The following PARD3B variants were observed in gnomAD, a reference collection of about 807,000 sequenced individuals.
PARD3B encodes the protein par-3 family cell polarity regulator beta.
In PARD3B, 103 loss-of-function variants were observed where a neutral mutation model predicts 130.2. The observed-to-expected ratio is 0.79, with a 90% confidence interval of 0.67 to 0.93. The LOEUF (loss-of-function observed/expected upper bound fraction) is 0.93. Ranked by LOEUF, PARD3B falls within the 40% of genes least tolerant of loss-of-function variation. PARD3B has a pLI of 0.00. For synonymous variants in PARD3B, 583 were observed against 553.2 expected, an observed-to-expected ratio of 1.05 and a Z score of -0.76; for missense variants, 1,609 against 1,499.2, an observed-to-expected ratio of 1.07 and a Z score of -1.21.
chr2:204,708,988 G>T (rs1330996274), intron 2 of PARD3B, among the ~76,000 whole-genome samples: 2 of 152,060 alleles, frequency 1.3e-5, no homozygotes, highest in Admixed American at 1.3e-4. Context: ...TGGTGGATGG[G>T]ATTTTCTAAT....
At chr2:205,503,025 CCCTCTCT>C (rs1175151516) in intron 21 of PARD3B, among the ~76,000 whole-genome samples, 2 of 148,036 alleles carry the variant, frequency 1.4e-5, no homozygotes. Flanking sequence ...CTCCCCTCTC[CCCTCTCT>C]CTTCTCTCTT....
At chr2:205,065,468 T>C (rs1350647805) in intron 4 of PARD3B, among the ~76,000 whole-genome samples, 1 of 152,168 alleles carries the variant, frequency 6.6e-6, no homozygotes, top group African/African-American at 2.4e-5. Context: ...AAATACGTAT[T>C]TTTTATTTCA....
intron 2 of PARD3B, among the ~76,000 whole-genome samples, chr2:204,802,503 A>C (rs1312913584): frequency 6.6e-6 from 1 of 152,182 alleles, no homozygotes. Context: ...ATATACCCAA[A>C]GGATTATAAA....
At chr2:205,097,324 A>C (rs1702459534) in intron 4 of PARD3B, among the ~76,000 whole-genome samples, 1 of 152,150 alleles carries the variant, frequency 6.6e-6, no homozygotes, top group Admixed American at 6.6e-5. Flanking sequence ...GGTGCACAGA[A>C]AGAACACTGA....
intron 1 of PARD3B, among the ~76,000 whole-genome samples, chr2:204,645,761 A>G (rs577052844): frequency 6.6e-6 from 1 of 152,278 alleles, no homozygotes; most frequent in South Asian, 2.1e-4. Context: ...AGCCAAATGC[A>G]TCTCACTAAA....
chr2:205,401,196 C>A, intron 19 of PARD3B, 73 bp downstream of exon 19: 4 of 1,189,620 alleles, frequency 3.4e-6, no homozygotes, highest in South Asian at 1.3e-5. Flanking sequence ...TTGCAACAGT[C>A]AACTGGAGAA....
chr2:205,113,424 AT>A, intron 5 of PARD3B, 66 bp from the exon 6 acceptor site: 1 of 855,674 alleles, frequency 1.2e-6, no homozygotes, highest in Non-Finnish European at 1.9e-6. Context: ...GTGTGTGTGT[AT>A]TTTAGATGTG....
At chr2:204,595,490 G>C (rs918859835) in intron 1 of PARD3B, among the ~76,000 whole-genome samples, 4 of 152,224 alleles carry the variant, frequency 2.6e-5, no homozygotes, top group African/African-American at 9.6e-5. Context: ...TGACACTGCT[G>C]TCTGTGTTTG....
chr2:205,507,198 T>A (rs919505020), intron 21 of PARD3B, among the ~76,000 whole-genome samples: 30 of 79,920 alleles, frequency 3.8e-4, no homozygotes, highest in Non-Finnish European at 5.3e-4. Context: ...GGTGCAGTAT[T>A]TTTTTTTTTT....
chr2:204,925,254 T>C (rs1179668793), intron 2 of PARD3B, among the ~76,000 whole-genome samples: 1 of 152,082 alleles, frequency 6.6e-6, no homozygotes, highest in Non-Finnish European at 1.5e-5. Context: ...GCTAGATAGC[T>C]TGAGACTCAA....
chr2:205,439,365 G>T (rs1297497337), intron 19 of PARD3B, among the ~76,000 whole-genome samples: 2 of 152,110 alleles, frequency 1.3e-5, no homozygotes, highest in African/African-American at 4.8e-5. Flanking sequence ...TGTACACAGT[G>T]CCCCTTCTTT....
At chr2:204,875,554 A>G (rs574666553) in intron 2 of PARD3B, among the ~76,000 whole-genome samples, 6 of 152,140 alleles carry the variant, frequency 3.9e-5, no homozygotes, top group Non-Finnish European at 8.8e-5. Flanking sequence ...CATCATGCCC[A>G]CACTGCCAGC....
chr2:204,549,482 TC>T (rs1167662266), intron 1 of PARD3B, among the ~76,000 whole-genome samples: 1 of 152,184 alleles, frequency 6.6e-6, no homozygotes, highest in Non-Finnish European at 1.5e-5. Context: ...TGGCTGAACT[TC>T]AGTAACCTCT....
At chr2:205,369,471 G>A (rs1458496428) in intron 18 of PARD3B, among the ~76,000 whole-genome samples, 1 of 152,156 alleles carries the variant, frequency 6.6e-6, no homozygotes, top group African/African-American at 2.4e-5. Flanking sequence ...GAATGAGATG[G>A]AAATTCTTTA....
intron 2 of PARD3B, among the ~76,000 whole-genome samples, chr2:204,762,333 C>T (rs184166360): frequency 3.2e-4 from 49 of 151,890 alleles, no homozygotes; most frequent in African/African-American, 1.0e-3. Context: ...AGGATGGTCT[C>T]GATCTCCTGT....
chr2:204,837,015 G>C (rs937434027), intron 2 of PARD3B, among the ~76,000 whole-genome samples: 6 of 152,078 alleles, frequency 3.9e-5, no homozygotes, highest in Non-Finnish European at 8.8e-5. Flanking sequence ...TATCCCTCCT[G>C]TTTTTAAAAT....
chr2:205,129,908 C>T (rs1483472906), intron 10 of PARD3B, among the ~76,000 whole-genome samples: 1 of 152,192 alleles, frequency 6.6e-6, no homozygotes, highest in African/African-American at 2.4e-5. Flanking sequence ...CCTAAAAGAA[C>T]TGTGCTGAAC....
intron 21 of PARD3B, among the ~76,000 whole-genome samples, chr2:205,521,465 A>G (rs1299193567): frequency 6.6e-6 from 1 of 152,032 alleles, no homozygotes; most frequent in African/African-American, 2.4e-5. Context: ...CTTAGAGCTT[A>G]AGGACTTTTA....
In PARD3B at chr2:205,110,581, T is replaced by C. The variant is rs1201461822; in HGVS notation, c.594-2910T>C. ...GTAAAATTTTCCCACTTTTCTTCTA[T>C]GTATAACCAAAATATTTTTCTTTTA... On this transcript the variant is annotated intron_variant, in intron 5 of 22. Transcript: ENST00000406610. Among the ~76,000 whole-genome samples the C allele has an allele frequency of 2.0e-5, 3 of 152,074 alleles. No individual in the cohort carries two copies. In the East Asian group the frequency reaches 5.8e-4, roughly 29 times the overall value.
Sources: allele counts gnomAD v4.1 joint callset (sites outside exome capture counted in the v4.1 genomes callset), GRCh38; gene constraint gnomAD v4.1.1; transcripts MANE v1.5; gene names NCBI Gene and HGNC (gene_info 2026-07-23, HGNC 2026-07-21).